The following NOX4 variants were observed in gnomAD, a reference collection of about 807,000 sequenced individuals.
NOX4 encodes the protein NADPH oxidase 4, also known as kidney oxidase-1.
In NOX4, 69 loss-of-function variants were observed where a neutral mutation model predicts 87.6. The ratio of observed to expected loss-of-function variants is 0.79; its 90% confidence interval spans 0.65 to 0.96. NOX4 has a LOEUF of 0.96. Ranked by LOEUF, NOX4 falls within the 40% of genes least tolerant of loss-of-function variation. NOX4 has a pLI of 0.00. For synonymous variants in NOX4, 275 were observed against 238.2 expected, an observed-to-expected ratio of 1.15 and a Z score of -1.42; for missense variants, 680 against 681.5, an observed-to-expected ratio of 1.00 and a Z score of 0.02.
Position 89,368,964 on chromosome 11 carries a change from C to A in NOX4, c.1135+4468G>T, listed in dbSNP as rs192728114. 7.0e-3 allele frequency among the ~76,000 whole-genome samples: 1,061 copies of A among 152,156 alleles called. 12 individuals carry two copies. Among genetic ancestry groups the A allele is most frequent in the African/African-American group, 0.024 (998 of 41,530 alleles). ...TATTTTTATAGATATAAAATACTCT[C>A]TTACTTTTATTATCTCTTAAACTTT... is the stretch of plus-strand genomic sequence containing the variant. On this transcript the variant is annotated intron_variant, in intron 12 of 17. Coordinates refer to ENST00000263317, the MANE Select transcript of NOX4 (RefSeq NM_016931.5).
intron 2 of NOX4, among the ~76,000 whole-genome samples, chr11:89,481,648 A>T (rs1946394952): frequency 6.6e-6 from 1 of 152,158 alleles, no homozygotes; most frequent in Non-Finnish European, 1.5e-5. Flanking sequence ...TTTTAAAATC[A>T]GTTTTATGAT....
chr11:89,510,696 G>A, the NOX4 span, among the ~76,000 whole-genome samples: 4 of 152,008 alleles, frequency 2.6e-5, no homozygotes, highest in Non-Finnish European at 5.9e-5. Context: ...AACTTAAAAT[G>A]TTTGATAAAT....
rs775880434 is a variant in NOX4 at position 89,326,780 on chromosome 11, T to C, written c.1713A>G (p.Glu571=). Residue 571 remains glutamate (E), a synonymous_variant, in exon 18 of 18, where the codon GAA becomes GAG. Transcript: ENST00000263317. ...TTCAGCTGAAAGACTCTTTATTGTA[T>C]TCAAATCTTGTCCCATATGAGTTGT... ...NQNNSYGTRF[E]YNKESFS 2.5e-6 allele frequency: 4 copies of C among 1,613,442 alleles called. No individual in the cohort carries two copies. Among genetic ancestry groups the C allele is most frequent in the Non-Finnish European group, 3.4e-6 (4 of 1,179,560 alleles).
chr11:89,342,091 T>C lies in NOX4; in HGVS notation c.1320A>G (p.Ser440=), dbSNP rs1452237481. 1.9e-6 allele frequency: 3 copies of C among 1,613,148 alleles called. No homozygotes were observed. The highest frequency in any genetic ancestry group is 2.5e-6 in the Non-Finnish European group (3 of 1,179,376). ...AGGIGVTPFA[S]ILNTLLDDWK... ...TGACATACAACAGGGTGTTGAGTAT[T>C]GATGCAAATGGAGTTACTCCAATGC... Residue 440 remains serine, a synonymous_variant, in exon 14 of 18, where the codon TCA becomes TCG. Coordinates refer to ENST00000263317, the MANE Select transcript of NOX4 (RefSeq NM_016931.5).
the NOX4 span, among the ~76,000 whole-genome samples, chr11:89,587,857 A>C: frequency 6.6e-6 from 1 of 152,192 alleles, no homozygotes; most frequent in Non-Finnish European, 1.5e-5. Flanking sequence ...TTTTGAAGAC[A>C]CTGGAGAACA....
At chr11:89,479,867 G>T (rs1356264153) in intron 2 of NOX4, among the ~76,000 whole-genome samples, 1 of 152,044 alleles carries the variant, frequency 6.6e-6, no homozygotes, top group African/African-American at 2.4e-5. Flanking sequence ...GTAATTCTAG[G>T]AATCACATAG....
chr11:89,456,866 C>G lies in NOX4; in HGVS notation c.154-4971G>C, dbSNP rs142328715. On this transcript the variant is annotated intron_variant, in intron 2 of 17. Coordinates refer to ENST00000263317, the MANE Select transcript of NOX4 (RefSeq NM_016931.5). ...CTCTCCATGGCCTTCTAAGTGACGT[C>G]AGCCTTTGAGAGACTGTTGGACCTG... is the stretch of plus-strand genomic sequence containing the variant. Among the ~76,000 whole-genome samples the G allele has an allele frequency of 1.5e-3, 223 of 152,284 alleles. 2 individuals carry two copies. Among genetic ancestry groups the G allele is most frequent in the African/African-American group, 4.9e-3 (204 of 41,564 alleles).
chr11:89,387,278 G>T (rs374024310), intron 11 of NOX4, among the ~76,000 whole-genome samples: 4 of 152,040 alleles, frequency 2.6e-5, no homozygotes, highest in Non-Finnish European at 5.9e-5. Context: ...GAAAATGGCC[G>T]GTTCCTGCTT....
At chr11:89,505,277 G>A in the NOX4 span, among the ~76,000 whole-genome samples, 1 of 151,916 alleles carries the variant, frequency 6.6e-6, no homozygotes, top group Non-Finnish European at 1.5e-5. Flanking sequence ...TTGGTCTGCA[G>A]TGGGGAAAGA....
chr11:89,444,761 A>G (rs1944615806), intron 4 of NOX4, among the ~76,000 whole-genome samples: 1 of 152,130 alleles, frequency 6.6e-6, no homozygotes, highest in Non-Finnish European at 1.5e-5. Flanking sequence ...AAATCATAAT[A>G]TTCTTAACCC....
chr11:89,512,093 A>G, the NOX4 span, among the ~76,000 whole-genome samples: 1 of 152,036 alleles, frequency 6.6e-6, no homozygotes, highest in Non-Finnish European at 1.5e-5. Flanking sequence ...TTTCCTCTTA[A>G]TGAAGCCAAT....
intron 5 of NOX4, 138 bp downstream of exon 5, chr11:89,443,997 T>G: frequency 1.5e-6 from 1 of 670,278 alleles, no homozygotes; most frequent in Non-Finnish European, 2.7e-6. Context: ...TGAAAAGGAA[T>G]AAAGCTCAAC....
At chr11:89,456,903 G>A (rs992691356) in intron 2 of NOX4, among the ~76,000 whole-genome samples, 8 of 152,158 alleles carry the variant, frequency 5.3e-5, no homozygotes, top group Admixed American at 3.9e-4. Flanking sequence ...ACAGAACATG[G>A]TGGTGTTGCA....
At chr11:89,359,818 G>T (rs1387010414) in intron 12 of NOX4, among the ~76,000 whole-genome samples, 4 of 151,928 alleles carry the variant, frequency 2.6e-5, no homozygotes, top group Non-Finnish European at 5.9e-5. Flanking sequence ...GGTAATAAAA[G>T]AAGTCATATA....
chr11:89,493,057 C>T (rs572638732), upstream of NOX4, among the ~76,000 whole-genome samples: 1 of 152,320 alleles, frequency 6.6e-6, no homozygotes, highest in South Asian at 2.1e-4. Context: ...CTCATAGTAG[C>T]CCTCCATGTG....
At chr11:89,402,579 A>T in intron 8 of NOX4, 37 bp from the exon 9 acceptor site, 1 of 1,503,130 alleles carries the variant, frequency 6.7e-7, no homozygotes, top group Non-Finnish European at 9.2e-7. Context: ...CAGAGAAATG[A>T]AAAGATTTGA....
At chr11:89,424,872 G>T (rs1224042037) in intron 7 of NOX4, among the ~76,000 whole-genome samples, 4 of 151,756 alleles carry the variant, frequency 2.6e-5, no homozygotes, top group Non-Finnish European at 5.9e-5. Context: ...AAAAAGAAAA[G>T]GTAAAATAAA....
At chr11:89,378,748 T>C (rs1389988988) in intron 11 of NOX4, among the ~76,000 whole-genome samples, 1 of 152,108 alleles carries the variant, frequency 6.6e-6, no homozygotes, top group Non-Finnish European at 1.5e-5. Context: ...AGAATTTATT[T>C]ATTCACTCAA....
intron 7 of NOX4, among the ~76,000 whole-genome samples, chr11:89,429,099 C>G (rs1425970636): frequency 6.6e-6 from 1 of 152,290 alleles, no homozygotes; most frequent in East Asian, 1.9e-4. Context: ...CAACCTGCTC[C>G]TGAATGACTA....
Sources: allele counts gnomAD v4.1 joint callset (sites outside exome capture counted in the v4.1 genomes callset), GRCh38; gene constraint gnomAD v4.1.1; transcripts MANE v1.5; gene names NCBI Gene and HGNC (gene_info 2026-07-23, HGNC 2026-07-21).